ATG7: variants seen among roughly 807,000 people sequenced by gnomAD.
The protein encoded by ATG7 is autophagy related 7.
In ATG7, 70 loss-of-function variants were observed where a neutral mutation model predicts 82.4. The ratio of observed to expected loss-of-function variants is 0.85; its 90% CI spans 0.70 to 1.04. The LOEUF is 1.04. Ranked by LOEUF, ATG7 falls within the 50% of genes least tolerant of loss-of-function variation. The pLI is 0.00. For missense variants in ATG7, 792 were observed against 864.3 expected, an observed-to-expected ratio of 0.92 and a Z score of 1.05; for synonymous variants, 287 against 313.0, an observed-to-expected ratio of 0.92 and a Z score of 0.88.
intron 20 of ATG7, among the ~76,000 whole-genome samples, chr3:11,526,538 C>T (rs1342781497): frequency 1.3e-5 from 2 of 152,152 alleles, no homozygotes; most frequent in Non-Finnish European, 2.9e-5. Flanking sequence ...TACATTTTGT[C>T]AAAGTGGTTA....
chr3:11,449,732 A>G (rs1317192189), intron 20 of ATG7, among the ~76,000 whole-genome samples: 1 of 152,210 alleles, frequency 6.6e-6, no homozygotes, highest in Non-Finnish European at 1.5e-5. Flanking sequence ...CTGGAGGACA[A>G]GGGCCACACC....
At chr3:11,492,703 T>C (rs768515064) in intron 20 of ATG7, among the ~76,000 whole-genome samples, 2 of 152,194 alleles carry the variant, frequency 1.3e-5, no homozygotes, top group Admixed American at 6.5e-5. Flanking sequence ...GGTGAGCAAG[T>C]GCAGGAACTA....
rs571683423 is a variant in ATG7 at position 11,470,891 on chromosome 3, A to C, written c.2079+43965A>C. Among the ~76,000 whole-genome samples, 18 of 147,360 alleles carry C rather than the reference A, an allele frequency of 1.2e-4. No homozygotes were observed. The South Asian group carries it at 3.5e-3, about 29-fold the overall frequency. The stretch of plus-strand genomic sequence containing the variant: ...CTTTCTTGCCGTATTACTCTCGTTC[A>C]GTCTTTCTCCTTTGAGGTGCAGATA... On this transcript the variant is annotated intron_variant, in intron 20 of 20. Coordinates refer to ENST00000693202, the MANE Select transcript of ATG7 (RefSeq NM_001349232.2).
intron 20 of ATG7, among the ~76,000 whole-genome samples, chr3:11,521,763 A>C (rs1447127206): frequency 1.3e-5 from 2 of 151,846 alleles, no homozygotes; most frequent in Non-Finnish European, 2.9e-5. Flanking sequence ...TGTGTTAGCC[A>C]GGATGGTCTC....
intron 20 of ATG7, chr3:11,510,332 TTG>T (rs1343217234): frequency 8.8e-6 from 4 of 455,354 alleles, no homozygotes; most frequent in South Asian, 6.2e-5. Context: ...AATGTATAAT[TTG>T]TGTTATTACC....
At chr3:11,488,626 C>T (rs1288144076) in intron 20 of ATG7, among the ~76,000 whole-genome samples, 2 of 152,096 alleles carry the variant, frequency 1.3e-5, no homozygotes, top group African/African-American at 4.8e-5. Flanking sequence ...GCCTTCGAGC[C>T]TTCTGGGGCC....
At chr3:11,310,921 C>T (rs781019384) in intron 7 of ATG7, among the ~76,000 whole-genome samples, 37 of 152,150 alleles carry the variant, frequency 2.4e-4, no homozygotes, top group Non-Finnish European at 4.3e-4. Context: ...CATGAGCCAC[C>T]GCATGCAGCC....
chr3:11,356,729 A>G (rs2075959635), intron 14 of ATG7, among the ~76,000 whole-genome samples: 1 of 152,190 alleles, frequency 6.6e-6, no homozygotes, highest in Admixed American at 6.5e-5. Context: ...TGCAGGTATT[A>G]TTATTACTGT....
At chr3:11,413,566 A>G (rs895377625) in intron 19 of ATG7, among the ~76,000 whole-genome samples, 2 of 151,182 alleles carry the variant, frequency 1.3e-5, no homozygotes, top group African/African-American at 4.9e-5. Context: ...GAAAACTGTA[A>G]AGATGTCACA....
At chr3:11,354,578 G>A (rs1036725953) in intron 14 of ATG7, among the ~76,000 whole-genome samples, 6 of 139,656 alleles carry the variant, frequency 4.3e-5, no homozygotes, top group Non-Finnish European at 9.1e-5. Flanking sequence ...GAACCCGGAA[G>A]TCAGAGGTTG....
the ATG7 span, among the ~76,000 whole-genome samples, chr3:11,574,699 C>G: frequency 6.6e-6 from 1 of 151,874 alleles, no homozygotes; most frequent in South Asian, 2.1e-4. Flanking sequence ...GGCTAACCAC[C>G]CTGAGCTCAT....
At chr3:11,426,406 C>A (rs968715058) in intron 19 of ATG7, among the ~76,000 whole-genome samples, 1 of 152,070 alleles carries the variant, frequency 6.6e-6, no homozygotes, top group Non-Finnish European at 1.5e-5. Flanking sequence ...GCTCGTATGT[C>A]ACACTTTTTT....
intron 13 of ATG7, among the ~76,000 whole-genome samples, chr3:11,345,234 G>A (rs1051199571): frequency 6.6e-6 from 1 of 152,018 alleles, no homozygotes; most frequent in Admixed American, 6.6e-5. Context: ...TTGAAACCCC[G>A]TCTCTACTAA....
rs553711668 is a variant in ATG7 at position 11,280,208 on chromosome 3, G to A, written c.-365-786G>A. ...ATTACAGGCGCCTGCCACCATGCCC[G>A]GCCCTTTTTTTGTATTTTTAGTAGA... On this transcript the variant is annotated intron_variant, in intron 1 of 20. Transcript: ENST00000693202. Among the ~76,000 whole-genome samples the A allele has an allele frequency of 3.3e-5, 5 of 152,086 alleles. No individual in the cohort carries two copies. In the East Asian group the frequency reaches 9.7e-4, roughly 29 times the overall value.
chr3:11,283,946 C>CA (rs1026693294), intron 3 of ATG7, among the ~76,000 whole-genome samples: 20 of 151,950 alleles, frequency 1.3e-4, no homozygotes, highest in African/African-American at 4.8e-4. Flanking sequence ...AAAAACAAAC[C>CA]AAAAAAACTC....
chr3:11,322,837 G>T (rs748492373), intron 9 of ATG7, among the ~76,000 whole-genome samples: 1 of 152,154 alleles, frequency 6.6e-6, no homozygotes, highest in Non-Finnish European at 1.5e-5. Flanking sequence ...GGTGGCTCAC[G>T]CCTGTAATCC....
chr3:11,435,867 A>G (rs2083320246), intron 20 of ATG7, among the ~76,000 whole-genome samples: 1 of 152,226 alleles, frequency 6.6e-6, no homozygotes, highest in Non-Finnish European at 1.5e-5. Context: ...AGAATACGAA[A>G]AAGTGGGCCA....
At chr3:11,306,335 G>A (rs1310980578) in intron 5 of ATG7, among the ~76,000 whole-genome samples, 1 of 152,228 alleles carries the variant, frequency 6.6e-6, no homozygotes. Context: ...CTCCAGCTGG[G>A]TGGGTATGAC....
At chr3:11,362,508 T>C (rs1397063968) in intron 16 of ATG7, among the ~76,000 whole-genome samples, 1 of 152,210 alleles carries the variant, frequency 6.6e-6, no homozygotes, top group Non-Finnish European at 1.5e-5. Context: ...ATTGAGTCAC[T>C]TAAAGGAACA....
Sources: allele counts gnomAD v4.1 joint callset (sites outside exome capture counted in the v4.1 genomes callset), GRCh38; gene constraint gnomAD v4.1.1; transcripts MANE v1.5; gene names NCBI Gene and HGNC (gene_info 2026-07-23, HGNC 2026-07-21).